RPS6KC1: variants seen among roughly 807,000 people sequenced by gnomAD.
RPS6KC1 encodes the protein ribosomal protein S6 kinase C1.
In RPS6KC1, 54 loss-of-function variants were observed where a neutral mutation model predicts 103.8. The ratio of observed to expected loss-of-function variants is 0.52; its 90% CI spans 0.42 to 0.65. The LOEUF (loss-of-function observed/expected upper bound fraction) is 0.65. Ranked by LOEUF, RPS6KC1 falls within the 30% of genes least tolerant of loss-of-function variation. RPS6KC1 has a pLI of 0.00. For synonymous variants in RPS6KC1, 439 were observed against 438.7 expected, an observed-to-expected ratio of 1.00 and a Z score of -0.01; for missense variants, 1,151 against 1,253.8, an observed-to-expected ratio of 0.92 and a Z score of 1.24.
chr1:213,283,171 A>G, the RPS6KC1 span, among the ~76,000 whole-genome samples: 14 of 152,310 alleles, frequency 9.2e-5, no homozygotes, highest in East Asian at 2.7e-3. Flanking sequence ...CATACATGCT[A>G]TAATACAGGG....
the RPS6KC1 span, among the ~76,000 whole-genome samples, chr1:213,596,970 A>AC: frequency 6.6e-6 from 1 of 152,188 alleles, no homozygotes; most frequent in African/African-American, 2.4e-5. Context: ...CTGGACAGAG[A>AC]CATTTCTCGA....
At chr1:213,752,033 A>T in the RPS6KC1 span, among the ~76,000 whole-genome samples, 4 of 152,208 alleles carry the variant, frequency 2.6e-5, no homozygotes, top group Admixed American at 2.6e-4. Context: ...ACTATATCTA[A>T]CCCTTTGGGT....
chr1:213,074,964 T>A (rs1347337909), intron 2 of RPS6KC1, among the ~76,000 whole-genome samples: 5 of 146,946 alleles, frequency 3.4e-5, no homozygotes, highest in Non-Finnish European at 6.0e-5. Context: ...GCCGTTCTCC[T>A]GCCTCAGCCT....
At chr1:213,271,532 G>A (rs1408436699) in intron 14 of RPS6KC1, among the ~76,000 whole-genome samples, 2 of 152,092 alleles carry the variant, frequency 1.3e-5, no homozygotes, top group African/African-American at 2.4e-5. Flanking sequence ...TTGGGAGGCC[G>A]AGACGGGCGG....
At chr1:213,769,152 C>T in the RPS6KC1 span, among the ~76,000 whole-genome samples, 1 of 152,090 alleles carries the variant, frequency 6.6e-6, no homozygotes, top group African/African-American at 2.4e-5. Context: ...CAGTAACATC[C>T]ACCAGTTGGC....
chr1:213,355,233 A>AT, the RPS6KC1 span, among the ~76,000 whole-genome samples: 3 of 150,372 alleles, frequency 2.0e-5, no homozygotes, highest in Non-Finnish European at 4.4e-5. Context: ...GAAAAAAAAA[A>AT]GAGAGAGAGA....
the RPS6KC1 span, among the ~76,000 whole-genome samples, chr1:213,728,937 G>GTTT: frequency 0.051 from 4,764 of 93,076 alleles, 818 homozygotes; most frequent in East Asian, 0.064. Flanking sequence ...GAACATGAGG[G>GTTT]TTTTTTTTTT....
At chr1:213,215,908 C>T (rs569077726) in intron 8 of RPS6KC1, among the ~76,000 whole-genome samples, 1 of 152,300 alleles carries the variant, frequency 6.6e-6, no homozygotes, top group African/African-American at 2.4e-5. Context: ...CAACCAGTAC[C>T]AGCCACTGCA....
At position 213,272,560 on chromosome 1, in the gene RPS6KC1, G is replaced by C. The variant is rs1243421199; in HGVS notation, c.3127G>C (p.Gly1043Arg). The C allele has an allele frequency of 1.2e-6, 2 of 1,613,922 alleles. No individual in the cohort carries two copies. Among genetic ancestry groups the C allele is most frequent in the Non-Finnish European group, 1.7e-6 (2 of 1,179,928 alleles). Residue 1043 changes from glycine (G) to arginine (R), a missense_variant, in exon 15 of 15, where the codon GGA (glycine) becomes CGA (arginine). Gly to Arg is a moderately radical substitution (Grantham distance 125). Transcript: ENST00000366960. ...QFNPLERLGA[G>R]VAGVEDIKSH... ...CAATCCTCTGGAACGACTTGGTGCT[G>C]GAGTTGCTGGTGTTGAAGATATCAA...
chr1:213,372,908 C>T, the RPS6KC1 span, among the ~76,000 whole-genome samples: 2 of 151,942 alleles, frequency 1.3e-5, no homozygotes, highest in Admixed American at 6.5e-5. Context: ...ATCTGTATTC[C>T]CCTCTCTCCT....
At chr1:213,278,080 C>T (rs770319100), downstream of RPS6KC1, among the ~76,000 whole-genome samples, 2 of 151,878 alleles carry the variant, frequency 1.3e-5, no homozygotes, top group Non-Finnish European at 2.9e-5. Flanking sequence ...TGGCACGAAC[C>T]TATAGTCCCA....
chr1:213,665,792 TAGA>T, the RPS6KC1 span, among the ~76,000 whole-genome samples: 1 of 152,184 alleles, frequency 6.6e-6, no homozygotes, highest in African/African-American at 2.4e-5. Flanking sequence ...AATCCATTAG[TAGA>T]AGGAGAGTTA....
chr1:213,278,066 A>T (rs1278454800), downstream of RPS6KC1, among the ~76,000 whole-genome samples: 1 of 152,028 alleles, frequency 6.6e-6, no homozygotes, highest in Non-Finnish European at 1.5e-5. Context: ...TAGCTTGGGC[A>T]CGGTGGCACG....
At chr1:213,794,511 C>T in the RPS6KC1 span, 1 of 152,138 alleles carries the variant, frequency 6.6e-6, no homozygotes, top group Non-Finnish European at 1.5e-5. Context: ...CTTACTCCTC[C>T]TTTAATGAAG....
At chr1:213,112,082 G>A (rs2083079011) in intron 4 of RPS6KC1, among the ~76,000 whole-genome samples, 1 of 152,126 alleles carries the variant, frequency 6.6e-6, no homozygotes, top group Admixed American at 6.6e-5. Context: ...TGACAGAGAA[G>A]GGACTTCTGA....
At chr1:213,835,925 GA>G in the RPS6KC1 span, 12 of 152,028 alleles carry the variant, frequency 7.9e-5, no homozygotes, top group Admixed American at 7.9e-4. Context: ...TCTTCCACGT[GA>G]AGTTTAGAAA....
intron 8 of RPS6KC1, among the ~76,000 whole-genome samples, chr1:213,201,646 C>A (rs1055051854): frequency 5.3e-5 from 8 of 152,194 alleles, no homozygotes; most frequent in Admixed American, 1.3e-4. Context: ...CACTCTGGTA[C>A]AGAATGTTCT....
chr1:213,382,586 C>T, the RPS6KC1 span, among the ~76,000 whole-genome samples: 3 of 149,436 alleles, frequency 2.0e-5, no homozygotes, highest in Non-Finnish European at 4.4e-5. Flanking sequence ...CAGGCGTGGC[C>T]TGGGTGGTAT....
At chr1:213,616,600 C>T in the RPS6KC1 span, among the ~76,000 whole-genome samples, 4 of 152,158 alleles carry the variant, frequency 2.6e-5, no homozygotes, top group Non-Finnish European at 5.9e-5. Flanking sequence ...TCGCTTGAGC[C>T]CAGGAGTTTG....
Sources: gnomAD v4.1 joint callset for allele counts (sites outside exome capture counted in the v4.1 genomes callset) on GRCh38, gnomAD v4.1.1 for gene constraint, MANE v1.5 for transcripts, NCBI Gene and HGNC (gene_info 2026-07-23, HGNC 2026-07-21) for gene names.